Variants in CNTNAP5 observed in about 807,000 individuals in gnomAD.
The protein encoded by CNTNAP5 is contactin-associated protein-like 5.
CNTNAP5 carries 72 observed loss-of-function variants against 150.2 expected under a neutral mutation model. The observed-to-expected ratio is 0.48, with a 90% CI of 0.40 to 0.58. The LOEUF is 0.58. Among genes scored for constraint, CNTNAP5 ranks in the 20% least tolerant of loss-of-function variants. CNTNAP5 has a pLI of 0.00. For missense variants in CNTNAP5, 1,636 were observed against 1,626.2 expected (o/e 1.01, Z -0.10); for synonymous variants, 672 against 619.8 (o/e 1.08, Z -1.25).
At chr2:124,701,178 C>T (rs1304263408) in intron 13 of CNTNAP5, among the ~76,000 whole-genome samples, 1 of 152,014 alleles carries the variant, frequency 6.6e-6, no homozygotes, top group African/African-American at 2.4e-5. Context: ...CATTTTCTAC[C>T]CTCCTCTGTC....
intron 4 of CNTNAP5, among the ~76,000 whole-genome samples, chr2:124,432,937 A>G (rs1369968368): frequency 3.1e-4 from 47 of 152,274 alleles, no homozygotes; most frequent in Non-Finnish European, 1.3e-4. Flanking sequence ...ATAATGTGCC[A>G]TGCACAATGA....
At chr2:124,844,700 T>G (rs1683012012) in intron 19 of CNTNAP5, among the ~76,000 whole-genome samples, 1 of 152,014 alleles carries the variant, frequency 6.6e-6, no homozygotes, top group Non-Finnish European at 1.5e-5. Context: ...TAGTTTTCCT[T>G]GTAGTGGTTT....
chr2:124,337,841 T>C (rs1302091563), intron 3 of CNTNAP5, among the ~76,000 whole-genome samples: 1 of 152,028 alleles, frequency 6.6e-6, no homozygotes, highest in South Asian at 2.1e-4. Context: ...GGCTTAGGAT[T>C]GACTTGGTGA....
chr2:124,676,053 T>C (rs1001489146), intron 13 of CNTNAP5, among the ~76,000 whole-genome samples: 1 of 152,264 alleles, frequency 6.6e-6, no homozygotes, highest in Non-Finnish European at 1.5e-5. Flanking sequence ...ACTGGACTAA[T>C]GATAAAATAT....
chr2:124,516,537 G>A (rs1015762494), intron 8 of CNTNAP5, among the ~76,000 whole-genome samples: 3 of 152,180 alleles, frequency 2.0e-5, no homozygotes, highest in African/African-American at 4.8e-5. Flanking sequence ...ACGCACTTGA[G>A]CAAGGAATAA....
chr2:124,432,359 G>C (rs528445088), intron 4 of CNTNAP5, among the ~76,000 whole-genome samples: 1 of 152,084 alleles, frequency 6.6e-6, no homozygotes, highest in African/African-American at 2.4e-5. Flanking sequence ...ACATTCTCAC[G>C]CCTCTGTTAT....
chr2:124,791,699 T>C (rs1440000821), intron 18 of CNTNAP5, among the ~76,000 whole-genome samples: 6 of 150,860 alleles, frequency 4.0e-5, no homozygotes, highest in South Asian at 4.2e-4. Flanking sequence ...ATTTCTTTTT[T>C]TTTTTTTTTT....
intron 19 of CNTNAP5, among the ~76,000 whole-genome samples, chr2:124,809,743 C>T (rs1043466233): frequency 6.6e-6 from 1 of 152,064 alleles, no homozygotes; most frequent in Non-Finnish European, 1.5e-5. Context: ...AGAAGAAAAT[C>T]AGAGGGTCAA....
At chr2:124,578,345 A>T (rs2104946224) in intron 11 of CNTNAP5, among the ~76,000 whole-genome samples, 1 of 151,594 alleles carries the variant, frequency 6.6e-6, no homozygotes, top group South Asian at 2.1e-4. Context: ...AAAAAAAAAA[A>T]AAAGATGCTG....
rs373348257 is a variant in CNTNAP5, at chr2:124,911,525, G to T, written c.3714G>T (p.Ser1238=). The stretch of plus-strand genomic sequence containing the variant: ...TCACAAATGCTGTTCGAAGTGATTC[G>T]GCAGTCATCGGAGGTAAACAATTCA... The part of the protein sequence containing the change: ...EPLTNAVRSD[S]AVIGGVIAVV... The change falls in exon 23 of 24, where the codon TCG becomes TCT. Residue 1238 remains serine, a synonymous_variant. Coordinates refer to ENST00000682447, the MANE Select transcript of CNTNAP5 (RefSeq NM_001367498.1). The T allele has an allele frequency of 1.3e-6, 2 of 1,598,038 alleles. No individual in the cohort carries two copies. Among genetic ancestry groups the T allele is most frequent in the South Asian group, 2.3e-5 (2 of 88,474 alleles).
intron 19 of CNTNAP5, among the ~76,000 whole-genome samples, chr2:124,838,380 G>C (rs1271761475): frequency 6.6e-6 from 1 of 151,996 alleles, no homozygotes; most frequent in African/African-American, 2.4e-5. Context: ...ATTCTGGCCT[G>C]CCTCTCAAAA....
At chr2:124,710,500 C>G (rs896609490) in intron 13 of CNTNAP5, among the ~76,000 whole-genome samples, 2 of 152,148 alleles carry the variant, frequency 1.3e-5, no homozygotes, top group Admixed American at 1.3e-4. Context: ...CTCAGTTCAA[C>G]AAGAGAACCT....
chr2:124,871,676 A>G (rs1426278216), intron 21 of CNTNAP5, among the ~76,000 whole-genome samples: 1 of 152,148 alleles, frequency 6.6e-6, no homozygotes, highest in African/African-American at 2.4e-5. Context: ...CTGTCCTGCT[A>G]TTGAAGGTGC....
At chr2:124,778,277 T>C (rs1681371023) in intron 17 of CNTNAP5, among the ~76,000 whole-genome samples, 1 of 152,048 alleles carries the variant, frequency 6.6e-6, no homozygotes, top group Non-Finnish European at 1.5e-5. Context: ...TTTCTCTGAG[T>C]CTGCCCAGAG....
At position 124,713,283 on chromosome 2, in the gene CNTNAP5, TTC is replaced by T. The variant is rs1261572500; in HGVS notation, c.2078-33944_2078-33943del. ...TTTCTTTCTTTCTTTCTTTCTTTCTTTCTTTCTTTCTTTCTTTCTTCTTTCTC... is the reference window on the plus strand; with the variant it reads ...TTTCTTTCTTTCTTTCTTTCTTTCTTTTTCTTTCTTTCTTTCTTCTTTCTC... On this transcript the variant is annotated intron_variant, in intron 13 of 23. Coordinates refer to ENST00000682447, the MANE Select transcript of CNTNAP5 (RefSeq NM_001367498.1). Among the ~76,000 whole-genome samples, 15 of 129,054 alleles carry T rather than the reference TTC, an allele frequency of 1.2e-4. 1 individual carries two copies. Among genetic ancestry groups the T allele is most frequent in the African/African-American group, 3.8e-4 (14 of 37,076 alleles). 84.7% of individuals were successfully genotyped at this position (129,054 alleles called of 152,430 possible).
At chr2:124,608,867 C>T in intron 11 of CNTNAP5, among the ~76,000 whole-genome samples, 1 of 151,722 alleles carries the variant, frequency 6.6e-6, no homozygotes. Flanking sequence ...ATCTCTTGAA[C>T]CCGGGAGGCG....
chr2:124,659,769 G>C (rs968006306), intron 13 of CNTNAP5, among the ~76,000 whole-genome samples: 14 of 152,054 alleles, frequency 9.2e-5, no homozygotes, highest in Non-Finnish European at 1.0e-4. Context: ...AGGTATACAG[G>C]GCTCTGAAAA....
At chr2:124,333,139 A>G (rs573374546) in intron 3 of CNTNAP5, among the ~76,000 whole-genome samples, 9 of 152,216 alleles carry the variant, frequency 5.9e-5, no homozygotes, top group Non-Finnish European at 1.3e-4. Context: ...GCTTTGGCTC[A>G]TGTCTGTAAT....
chr2:124,708,471 G>A (rs959511801), intron 13 of CNTNAP5, among the ~76,000 whole-genome samples: 2 of 152,084 alleles, frequency 1.3e-5, no homozygotes, highest in African/African-American at 4.8e-5. Context: ...TTCTATTGGC[G>A]GGCGGACATG....
Sources: allele counts gnomAD v4.1 joint callset (sites outside exome capture counted in the v4.1 genomes callset), GRCh38; gene constraint gnomAD v4.1.1; transcripts MANE v1.5; gene names NCBI Gene and HGNC (gene_info 2026-07-23, HGNC 2026-07-21).